SCFD2: variants seen among roughly 807,000 people sequenced by gnomAD.
SCFD2 encodes the protein sec1 family domain-containing protein 2.
In SCFD2, 54 loss-of-function variants were observed where a neutral mutation model predicts 58.9. That is an observed-to-expected ratio of 0.92 (90% CI 0.74 to 1.15). The LOEUF is 1.15. SCFD2 is among the 50% of genes most tolerant of loss of function. The pLI, the probability that SCFD2 is intolerant of heterozygous loss-of-function variation, is 0.00. For missense variants in SCFD2, 805 were observed against 836.6 expected (o/e 0.96, Z 0.47); for synonymous variants, 321 against 335.9 (o/e 0.96, Z 0.49).
At chr4:53,216,825 C>T (rs1728856513) in intron 4 of SCFD2, among the ~76,000 whole-genome samples, 1 of 152,090 alleles carries the variant, frequency 6.6e-6, no homozygotes, top group African/African-American at 2.4e-5. Flanking sequence ...TGAATGTGTC[C>T]CAGAGATTCT....
intron 4 of SCFD2, among the ~76,000 whole-genome samples, chr4:53,217,541 C>A (rs966506981): frequency 6.6e-6 from 1 of 152,134 alleles, no homozygotes; most frequent in Non-Finnish European, 1.5e-5. Context: ...TGTGTCTCTG[C>A]ACGTGAGATG....
chr4:52,904,678 T>A (rs1719302519), intron 7 of SCFD2, among the ~76,000 whole-genome samples: 1 of 152,182 alleles, frequency 6.6e-6, no homozygotes, highest in African/African-American at 2.4e-5. Context: ...TTTGTGCTAA[T>A]GAGTAACCAT....
chr4:53,063,508 T>C (rs1369880906), intron 5 of SCFD2, among the ~76,000 whole-genome samples: 1 of 152,094 alleles, frequency 6.6e-6, no homozygotes, highest in Non-Finnish European at 1.5e-5. Context: ...CATTTAATGA[T>C]CCTAACGAAC....
At chr4:53,196,752 G>C in intron 4 of SCFD2, among the ~76,000 whole-genome samples, 1 of 151,486 alleles carries the variant, frequency 6.6e-6, no homozygotes, top group East Asian at 1.9e-4. Context: ...AAAAGGGGTG[G>C]GGGAAGGAGA....
At chr4:52,923,160 A>G (rs1719780799) in intron 5 of SCFD2, among the ~76,000 whole-genome samples, 1 of 152,194 alleles carries the variant, frequency 6.6e-6, no homozygotes, top group Non-Finnish European at 1.5e-5. Flanking sequence ...CCTGGTTTCC[A>G]GAAATGTCCA....
At chr4:53,117,295 C>A (rs984787384) in intron 5 of SCFD2, among the ~76,000 whole-genome samples, 1 of 152,152 alleles carries the variant, frequency 6.6e-6, no homozygotes, top group Non-Finnish European at 1.5e-5. Flanking sequence ...TTCACCCTTG[C>A]AAGACTTAGC....
intron 4 of SCFD2, among the ~76,000 whole-genome samples, chr4:53,179,793 G>A (rs62325044): frequency 1.3e-5 from 2 of 152,142 alleles, no homozygotes; most frequent in African/African-American, 4.8e-5. Flanking sequence ...TCAAAATAAA[G>A]GAGTGGAGGA....
At chr4:53,231,985 G>A (rs1013605980) in intron 4 of SCFD2, among the ~76,000 whole-genome samples, 28 of 151,838 alleles carry the variant, frequency 1.8e-4, no homozygotes, top group East Asian at 5.8e-4. Flanking sequence ...CAAAACCAAC[G>A]TTAAAGAATA....
At chr4:52,874,905 C>G (rs1003538317) in intron 8 of SCFD2, among the ~76,000 whole-genome samples, 1 of 152,216 alleles carries the variant, frequency 6.6e-6, no homozygotes, top group African/African-American at 2.4e-5. Flanking sequence ...CATTTCAACT[C>G]ATAACGATGA....
chr4:53,027,679 T>C (rs1722511535), intron 5 of SCFD2, among the ~76,000 whole-genome samples: 1 of 151,340 alleles, frequency 6.6e-6, no homozygotes, highest in South Asian at 2.1e-4. Flanking sequence ...AATACAAAAA[T>C]TTGCCAGGTG....
intron 5 of SCFD2, among the ~76,000 whole-genome samples, chr4:53,080,974 C>CCAT (rs1724130516): frequency 6.6e-6 from 1 of 152,076 alleles, no homozygotes; most frequent in Admixed American, 6.6e-5. Flanking sequence ...AATTGTACAT[C>CCAT]TTAAAGTAGA....
intron 5 of SCFD2, among the ~76,000 whole-genome samples, chr4:53,062,437 G>T (rs549751272): frequency 6.6e-6 from 1 of 151,904 alleles, no homozygotes; most frequent in African/African-American, 2.4e-5. Context: ...AAAGAGTTTT[G>T]TTTGCTTTCA....
chr4:53,019,114 C>T (rs1442937851), intron 5 of SCFD2, among the ~76,000 whole-genome samples: 2 of 152,090 alleles, frequency 1.3e-5, no homozygotes, highest in East Asian at 1.9e-4. Context: ...TAACCTTTGA[C>T]CTAGTAATTC....
intron 5 of SCFD2, among the ~76,000 whole-genome samples, chr4:52,999,280 C>A (rs1266803957): frequency 6.6e-6 from 1 of 152,160 alleles, no homozygotes; most frequent in Non-Finnish European, 1.5e-5. Flanking sequence ...AGACTTCAGT[C>A]CAATACCAGT....
intron 5 of SCFD2, among the ~76,000 whole-genome samples, chr4:53,076,974 T>C (rs1723995675): frequency 6.6e-6 from 1 of 152,206 alleles, no homozygotes; most frequent in African/African-American, 2.4e-5. Context: ...AGGAATACAG[T>C]TCAGTTCTAA....
At chr4:53,274,420 AAAG>A (rs1731268059) in intron 3 of SCFD2, among the ~76,000 whole-genome samples, 1 of 152,178 alleles carries the variant, frequency 6.6e-6, no homozygotes, top group Non-Finnish European at 1.5e-5. Context: ...TATGTACCTA[AAAG>A]AAGATGAGAA....
intron 5 of SCFD2, among the ~76,000 whole-genome samples, chr4:53,010,661 G>A (rs1014391231): frequency 6.6e-5 from 10 of 152,200 alleles, no homozygotes; most frequent in African/African-American, 2.2e-4. Context: ...TTGAATAAAG[G>A]ATGAATAAGT....
intron 4 of SCFD2, among the ~76,000 whole-genome samples, chr4:53,243,352 A>C (rs1304197626): frequency 1.3e-5 from 2 of 152,188 alleles, no homozygotes; most frequent in East Asian, 3.8e-4. Flanking sequence ...AGAAATTCCA[A>C]CCAAGAGTTT....
At chr4:53,153,340 G>A (rs1340978709) in intron 4 of SCFD2, among the ~76,000 whole-genome samples, 5 of 152,222 alleles carry the variant, frequency 3.3e-5, no homozygotes, top group African/African-American at 1.2e-4. Flanking sequence ...CGTGCCTACA[G>A]TCTTAAAACC....
Sources: gnomAD v4.1 joint callset for allele counts (sites outside exome capture counted in the v4.1 genomes callset) on GRCh38, gnomAD v4.1.1 for gene constraint, MANE v1.5 for transcripts, NCBI Gene and HGNC (gene_info 2026-07-23, HGNC 2026-07-21) for gene names.